The following HDAC9 variants were observed in gnomAD, a reference collection of about 807,000 sequenced individuals.
HDAC9 encodes MEF-2 interacting transcription repressor (MITR) protein.
A neutral mutation model predicts 139.4 loss-of-function variants in HDAC9; 41 were observed. The observed-to-expected ratio is 0.29, with a 90% CI of 0.23 to 0.38. The LOEUF is 0.38. HDAC9 is among the 10% of genes least tolerant of loss of function. The pLI is 1.00. For synonymous variants in HDAC9, 517 were observed against 476.2 expected, an observed-to-expected ratio of 1.09 and a Z score of -1.12; for missense variants, 1,147 against 1,297.0, an observed-to-expected ratio of 0.88 and a Z score of 1.78.
At chr7:18,387,563 G>A (rs923397186) in intron 1 of HDAC9, among the ~76,000 whole-genome samples, 2 of 152,216 alleles carry the variant, frequency 1.3e-5, no homozygotes, top group African/African-American at 4.8e-5. Flanking sequence ...CATAGAAAAT[G>A]AGGAAGGAGG....
At chr7:18,232,757 C>G (rs1186096308) in intron 2 of HDAC9, among the ~76,000 whole-genome samples, 3 of 152,116 alleles carry the variant, frequency 2.0e-5, no homozygotes, top group Non-Finnish European at 4.4e-5. Flanking sequence ...GTTGTTGACC[C>G]CAAATACTGT....
At chr7:18,421,027 C>A (rs1789571259) in intron 1 of HDAC9, among the ~76,000 whole-genome samples, 1 of 152,144 alleles carries the variant, frequency 6.6e-6, no homozygotes, top group Non-Finnish European at 1.5e-5. Context: ...TACCTTGTAC[C>A]TTGATTTGCT....
At chr7:18,811,326 A>T (rs1794159889) in intron 17 of HDAC9, among the ~76,000 whole-genome samples, 1 of 151,764 alleles carries the variant, frequency 6.6e-6, no homozygotes, top group South Asian at 2.1e-4. Context: ...TCAAAGTGGA[A>T]GCTGAGGTCA....
chr7:18,491,446 A>G (rs1481978298), upstream of HDAC9, among the ~76,000 whole-genome samples: 1 of 152,000 alleles, frequency 6.6e-6, no homozygotes, highest in African/African-American at 2.4e-5. Flanking sequence ...GTGGTTGATA[A>G]TTGTGTGCAC....
chr7:18,560,937 T>G (rs1157194478), intron 2 of HDAC9, among the ~76,000 whole-genome samples: 1 of 152,136 alleles, frequency 6.6e-6, no homozygotes, highest in Non-Finnish European at 1.5e-5. Context: ...TCCCGTGCTC[T>G]CCTCCTGGCA....
rs550011469 is a variant in HDAC9 at position 18,563,746 on chromosome 7, TA to T, written c.23-21534del. ...CCCAACCCCCCCCATGAACTTAGAT[TA>T]TTTTTTTTTATTATACTTTAAGTTC... On this transcript the variant is annotated intron_variant, in intron 2 of 25. Coordinates refer to ENST00000686413, the MANE Select transcript of HDAC9 (RefSeq NM_178425.4). 3.4e-3 allele frequency among the ~76,000 whole-genome samples: 522 copies of T among 151,658 alleles called. 1 individual carries two copies. Among genetic ancestry groups the T allele is most frequent in the African/African-American group, 0.011 (472 of 41,312 alleles).
intron 6 of HDAC9, among the ~76,000 whole-genome samples, chr7:18,622,192 T>G (rs929466387): frequency 6.6e-6 from 1 of 152,154 alleles, no homozygotes; most frequent in East Asian, 1.9e-4. Flanking sequence ...CAGGGAAGAA[T>G]AGACAATGCC....
chr7:18,540,745 G>A (rs939754020), intron 2 of HDAC9, among the ~76,000 whole-genome samples: 2 of 152,152 alleles, frequency 1.3e-5, no homozygotes, highest in African/African-American at 2.4e-5. Context: ...TGTCTGTAAT[G>A]TAAGACTATT....
intron 21 of HDAC9, among the ~76,000 whole-genome samples, chr7:18,840,340 T>C (rs1796506927): frequency 6.6e-6 from 1 of 152,024 alleles, no homozygotes; most frequent in Non-Finnish European, 1.5e-5. Context: ...ATATTTTCAA[T>C]AGACAGTGAA....
intron 2 of HDAC9, among the ~76,000 whole-genome samples, chr7:18,215,597 T>C (rs1282679129): frequency 6.6e-6 from 1 of 152,182 alleles, no homozygotes; most frequent in African/African-American, 2.4e-5. Flanking sequence ...GAAGTGACTG[T>C]GTCCTTGCCC....
At chr7:18,500,638 C>A (rs1186164757) in intron 2 of HDAC9, among the ~76,000 whole-genome samples, 1 of 152,004 alleles carries the variant, frequency 6.6e-6, no homozygotes, top group East Asian at 1.9e-4. Context: ...TCTCTTGTGG[C>A]TGAGAAATAG....
intron 21 of HDAC9, among the ~76,000 whole-genome samples, chr7:18,843,909 CA>C (rs1191012746): frequency 2.0e-5 from 3 of 152,102 alleles, no homozygotes; most frequent in Admixed American, 6.5e-5. Flanking sequence ...AAACTTTGCT[CA>C]ACTGAAGGTC....
chr7:18,433,222 C>G (rs1213286631), intron 1 of HDAC9, among the ~76,000 whole-genome samples: 2 of 152,262 alleles, frequency 1.3e-5, no homozygotes, highest in Middle Eastern at 3.4e-3. Flanking sequence ...CCTCAACAAA[C>G]TAGGCATTGA....
Position 18,243,022 on chromosome 7 carries a change from A to G in HDAC9, c.25+80673A>G, listed in dbSNP as rs77678783. 3.4e-3 allele frequency among the ~76,000 whole-genome samples: 425 copies of G among 126,280 alleles called. 2 individuals carry two copies. Among genetic ancestry groups the G allele is most frequent in the African/African-American group, 0.012 (391 of 32,548 alleles). 82.8% of individuals were successfully genotyped at this position (126,280 alleles called of 152,430 possible). ...GCTATTTGCATATGAAAAGATGTGG[A>G]AGGTTACTTATCAAAATATTAACTG... On this transcript the variant is annotated intron_variant, in intron 2 of 12. Coordinates refer to the HDAC9 transcript ENST00000417496.
chr7:18,774,301 A>G (rs1464123261), intron 16 of HDAC9, among the ~76,000 whole-genome samples: 1 of 152,054 alleles, frequency 6.6e-6, no homozygotes, highest in African/African-American at 2.4e-5. Flanking sequence ...CGATATTTTT[A>G]TGCTCCTGAA....
intron 1 of HDAC9, among the ~76,000 whole-genome samples, chr7:18,453,919 A>C (rs1263628686): frequency 6.6e-6 from 1 of 152,122 alleles, no homozygotes; most frequent in Admixed American, 6.6e-5. Flanking sequence ...GCCTTGAATA[A>C]ATGGGGAAAT....
At chr7:18,136,145 G>A (rs1404522514) in intron 1 of HDAC9, among the ~76,000 whole-genome samples, 1 of 149,486 alleles carries the variant, frequency 6.7e-6, no homozygotes, top group Non-Finnish European at 1.5e-5. Flanking sequence ...CTTTTTGATG[G>A]GGTTGTTTGT....
chr7:18,186,582 GA>G (rs1789933056), intron 2 of HDAC9, among the ~76,000 whole-genome samples: 1 of 152,224 alleles, frequency 6.6e-6, no homozygotes, highest in Admixed American at 6.5e-5. Context: ...GGATTAACAT[GA>G]AGTGGCTTGA....
intron 2 of HDAC9, among the ~76,000 whole-genome samples, chr7:18,216,305 A>T (rs907579975): frequency 6.6e-6 from 1 of 152,132 alleles, no homozygotes; most frequent in African/African-American, 2.4e-5. Flanking sequence ...TTTCACTGAA[A>T]TCTCTTATTT....
Sources: gnomAD v4.1 joint callset for allele counts (sites outside exome capture counted in the v4.1 genomes callset) on GRCh38, gnomAD v4.1.1 for gene constraint, MANE v1.5 for transcripts, NCBI Gene and HGNC (gene_info 2026-07-23, HGNC 2026-07-21) for gene names.